The following PPP3R1 variants were observed in gnomAD, a reference collection of about 807,000 sequenced individuals.
PPP3R1 encodes protein phosphatase 3 regulatory subunit B, alpha, also known as calcineurin subunit B type 1.
In PPP3R1, 5 loss-of-function variants were observed where a neutral mutation model predicts 22.6. The ratio of observed to expected loss-of-function variants is 0.22; its 90% CI spans 0.12 to 0.46. The LOEUF (loss-of-function observed/expected upper bound fraction) is 0.46, where lower values mean the gene tolerates loss of function less well. PPP3R1 is among the 20% of genes least tolerant of loss of function. The pLI, the probability that PPP3R1 is intolerant of heterozygous loss-of-function variation, is 0.99. For missense variants in PPP3R1, 61 were observed against 203.2 expected, an observed-to-expected ratio of 0.30 and a Z score of 4.25; for synonymous variants, 56 against 65.2, an observed-to-expected ratio of 0.86 and a Z score of 0.68.
At position 68,244,813 on chromosome 2, in the gene PPP3R1, TC is replaced by T. The variant is rs1670204335; in HGVS notation, c.3+7311del. Among the ~76,000 whole-genome samples, 3 of 152,254 alleles carry T rather than the reference TC, an allele frequency of 2.0e-5. No individual in the cohort carries two copies. The South Asian group carries it at 6.2e-4, about 32-fold the overall frequency. ...CCTTCAATGTCCGATAAGCACCTTT[TC>T]CTTTATTCCACTTCACATACTCCTT... On this transcript the variant is annotated intron_variant, in intron 1 of 5. Coordinates refer to ENST00000234310, the MANE Select transcript of PPP3R1 (RefSeq NM_000945.4).
chr2:68,237,216 G>A (rs913036374), intron 1 of PPP3R1, among the ~76,000 whole-genome samples: 4 of 152,056 alleles, frequency 2.6e-5, no homozygotes, highest in Non-Finnish European at 5.9e-5. Context: ...ACCTAGACCT[G>A]CCAAGAATAC....
At position 68,217,096 on chromosome 2, in the gene PPP3R1, T is replaced by G; in HGVS notation, c.39A>C (p.Ser13=). The change falls in exon 2 of 6, where the codon TCA becomes TCC. Residue 13 remains serine, a synonymous_variant. Transcript: ENST00000234310. ...GGTAACAAGAATATGACTTACAGTG[T>G]GAGCACATTTCCAAAGGATAACTTG... ...NEASYPLEMC[S]HFDADEIKRL... The G allele has an allele frequency of 6.3e-7, 1 of 1,592,784 alleles. No homozygotes were observed. The highest frequency in any genetic ancestry group is 8.6e-7 in the Non-Finnish European group (1 of 1,165,768).
chr2:68,203,943 C>G (rs1367649583), intron 2 of PPP3R1, among the ~76,000 whole-genome samples: 1 of 152,124 alleles, frequency 6.6e-6, no homozygotes, highest in Non-Finnish European at 1.5e-5. Context: ...GATGAGACAT[C>G]TTTTTAGATA....
chr2:68,181,266 G>A (rs1246524013), intron 5 of PPP3R1, among the ~76,000 whole-genome samples: 1 of 151,824 alleles, frequency 6.6e-6, no homozygotes, highest in East Asian at 1.9e-4. Context: ...GGTGGCGTGT[G>A]CCTCTAGTCC....
Position 68,180,177 on chromosome 2 carries a change from A to G in PPP3R1, c.*786T>C, listed in dbSNP as rs1674371854. The G allele has an allele frequency of 6.6e-6, 1 of 152,238 alleles. No homozygotes were observed. The highest frequency in any genetic ancestry group is 2.4e-5 in the African/African-American group (1 of 41,460). 9.4% of individuals were successfully genotyped at this position (152,238 alleles called of 1,614,324 possible). On this transcript the variant is annotated 3_prime_UTR_variant, in exon 6 of 6. Coordinates refer to ENST00000234310, the MANE Select transcript of PPP3R1 (RefSeq NM_000945.4). ...AATAAATGCAATGGCTCCTAGTTAC[A>G]AAGTAGCAGAATGAAGCAGCTATAA...
At chr2:68,237,174 A>G (rs1309676969) in intron 1 of PPP3R1, among the ~76,000 whole-genome samples, 1 of 152,154 alleles carries the variant, frequency 6.6e-6, no homozygotes, top group Admixed American at 6.5e-5. Context: ...ACATTTCTGA[A>G]TAGTGGGCTG....
At chr2:68,213,094 C>T (rs1226716012) in intron 2 of PPP3R1, among the ~76,000 whole-genome samples, 1 of 152,184 alleles carries the variant, frequency 6.6e-6, no homozygotes, top group East Asian at 1.9e-4. Context: ...AAAATTTACC[C>T]ATATAAGCAA....
chr2:68,228,696 C>T (rs1285713242), intron 1 of PPP3R1, among the ~76,000 whole-genome samples: 2 of 151,644 alleles, frequency 1.3e-5, no homozygotes, highest in Non-Finnish European at 2.9e-5. Context: ...TTTTTCTCAT[C>T]TTTTTTTCTA....
chr2:68,241,458 T>C (rs893545161), intron 1 of PPP3R1, among the ~76,000 whole-genome samples: 3 of 152,190 alleles, frequency 2.0e-5, no homozygotes, highest in East Asian at 3.8e-4. Flanking sequence ...AGAGAGCTTA[T>C]GATATTTGTT....
chr2:68,201,114 T>A (rs1268709402), intron 2 of PPP3R1, among the ~76,000 whole-genome samples: 2 of 152,180 alleles, frequency 1.3e-5, no homozygotes, highest in African/African-American at 4.8e-5. Flanking sequence ...TTTCTATATA[T>A]TAAGTCCAAT....
chr2:68,224,497 C>T (rs897950643), intron 1 of PPP3R1, among the ~76,000 whole-genome samples: 2 of 151,924 alleles, frequency 1.3e-5, no homozygotes, highest in African/African-American at 4.8e-5. Flanking sequence ...CCTGTCTCTA[C>T]TGAAAATACA....
chr2:68,241,775 T>A (rs759175093), intron 1 of PPP3R1, among the ~76,000 whole-genome samples: 3 of 144,894 alleles, frequency 2.1e-5, no homozygotes, highest in Non-Finnish European at 4.5e-5. Context: ...ACATGGAAGG[T>A]GGAGGTTGCA....
rs770753090 is a variant in PPP3R1 at position 68,186,433 on chromosome 2, A to G, written c.465+35T>C. On this transcript the variant is annotated intron_variant, in intron 5 of 5. Coordinates refer to ENST00000234310, the MANE Select transcript of PPP3R1 (RefSeq NM_000945.4). ...GGTTTTTAAAATATGTTGCTGAAAC[A>G]TAACTAACGGAAGAACCAGCTCTTT... The G allele has an allele frequency of 5.2e-6, 8 of 1,546,820 alleles. No individual in the cohort carries two copies. The South Asian group carries it at 9.6e-5, about 19-fold the overall frequency.
chr2:68,215,250 A>G (rs965473308), intron 2 of PPP3R1, among the ~76,000 whole-genome samples: 2 of 152,138 alleles, frequency 1.3e-5, no homozygotes, highest in Non-Finnish European at 2.9e-5. Context: ...TTATCCATAT[A>G]ACAAACCTGC....
chr2:68,217,050 G>A (rs763161884), intron 2 of PPP3R1, 42 bp downstream of exon 2: 2 of 1,393,094 alleles, frequency 1.4e-6, no homozygotes, highest in South Asian at 1.3e-5. Context: ...AGAGAGAGAT[G>A]AGTGAATAAA....
chr2:68,202,540 T>G (rs189619297), intron 2 of PPP3R1, among the ~76,000 whole-genome samples: 1 of 152,144 alleles, frequency 6.6e-6, no homozygotes, highest in African/African-American at 2.4e-5. Flanking sequence ...TTCTCCTGTC[T>G]CAGCCTTCCA....
At chr2:68,231,819 C>T (rs2103793523) in intron 1 of PPP3R1, among the ~76,000 whole-genome samples, 1 of 152,050 alleles carries the variant, frequency 6.6e-6, no homozygotes, top group South Asian at 2.1e-4. Flanking sequence ...ATTGCTTTTG[C>T]ACCATCAGTA....
At chr2:68,181,114 G>A (rs1251089144) in intron 5 of PPP3R1, 104 bp from the exon 6 acceptor site, 3 of 1,121,226 alleles carry the variant, frequency 2.7e-6, no homozygotes, top group Middle Eastern at 2.0e-4. Flanking sequence ...AGGGGGCTGG[G>A]CGTGGTGGCT....
chr2:68,203,496 G>C (rs189346675), intron 2 of PPP3R1, among the ~76,000 whole-genome samples: 13 of 152,160 alleles, frequency 8.5e-5, no homozygotes, highest in Admixed American at 2.0e-4. Flanking sequence ...AGCTACTCGG[G>C]AGGCTGAGGC....
Sources: allele counts gnomAD v4.1 joint callset (sites outside exome capture counted in the v4.1 genomes callset), GRCh38; gene constraint gnomAD v4.1.1; transcripts MANE v1.5; gene names NCBI Gene and HGNC (gene_info 2026-07-23, HGNC 2026-07-21).